Variants in TSPOAP1 observed in about 807,000 individuals in gnomAD.
TSPOAP1 encodes the protein peripheral-type benzodiazepine receptor-associated protein 1.
In TSPOAP1, 87 loss-of-function variants were observed where a neutral mutation model predicts 197.0. That is an observed-to-expected ratio of 0.44 (90% CI 0.37 to 0.53). TSPOAP1 has a LOEUF of 0.53. Ranked by LOEUF, TSPOAP1 falls within the 20% of genes least tolerant of loss-of-function variation. The pLI, the probability that TSPOAP1 is intolerant of heterozygous loss-of-function variation, is 0.00. For missense variants in TSPOAP1, 2,174 were observed against 2,411.3 expected (o/e 0.90, Z 2.06); for synonymous variants, 913 against 998.9 (o/e 0.91, Z 1.62).
chr17:58,322,199 T>C lies in TSPOAP1; in HGVS notation c.1422+109A>G, dbSNP rs537133897. On this transcript the variant is annotated intron_variant, in intron 10 of 31. Coordinates refer to ENST00000343736, the MANE Select transcript of TSPOAP1 (RefSeq NM_004758.4). This position sits in a 1 kb window ranked among gnomAD's most constrained non-coding sequence, Gnocchi z 5.0. ...GGGACCTGGTCTTTGTTCCCCACAG[T>C]CTCCCCGACGCCTAGCACAGTGCCG... The C allele has an allele frequency of 1.8e-5, 20 of 1,111,488 alleles. No individual in the cohort carries two copies. Among genetic ancestry groups the C allele is most frequent in the Non-Finnish European group, 2.5e-5 (19 of 771,634 alleles). 68.9% of individuals were successfully genotyped at this position (1,111,488 alleles called of 1,614,324 possible).
At position 58,309,182 on chromosome 17, in the gene TSPOAP1, A is replaced by G. The variant is rs1971004410; in HGVS notation, c.4090T>C (p.Leu1364=). 6.2e-7 allele frequency: 1 copy of G among 1,614,010 alleles called. No homozygotes were observed. The highest frequency in any genetic ancestry group is 2.2e-5 in the East Asian group (1 of 44,866). Residue 1364 remains leucine (L), a synonymous_variant, in exon 22 of 32, where the codon TTG becomes CTG. Transcript: ENST00000343736. The surrounding 1 kb of genome is among the most constrained non-coding windows in gnomAD (Gnocchi z 5.0). The part of the protein sequence containing the change: ...SRDPGPPEPA[L]LGLGCDSGQP... ...CCACTGTCACAGCCCAGCCCCAGCAATGCAGGTTCAGGCGGGCCAGGGTCT... is the reference window on the plus strand; with the variant it reads ...CCACTGTCACAGCCCAGCCCCAGCAGTGCAGGTTCAGGCGGGCCAGGGTCT...
In TSPOAP1 at chr17:58,326,780, T is replaced by A. The variant is rs750306324; in HGVS notation, c.344A>T (p.Asn115Ile). The change falls in exon 2 of 32, where the codon AAT becomes ATT. Residue 115 changes from asparagine (N) to isoleucine (I), a missense_variant. Physicochemically the swap from Asn to Ile is moderately radical, Grantham distance 149. This residue lies in a region of TSPOAP1 where 1,933 missense variants were observed against 2,139.0 expected (regional missense o/e 0.90). Coordinates refer to ENST00000343736, the MANE Select transcript of TSPOAP1 (RefSeq NM_004758.4). The surrounding 1 kb of genome is among the most constrained non-coding windows in gnomAD (Gnocchi z 4.7). ...ATTGGGCCTGTCCCCAAAGCTCATA[T>A]TCAGCTTGGCCTGGCATGGGAAAGG... ...EVEAFLKAKL[N>I]MSFGDRPNLE... The A allele has an allele frequency of 6.8e-5, 110 of 1,613,882 alleles. No individual in the cohort carries two copies. The highest frequency in any genetic ancestry group is 8.7e-5 in the Non-Finnish European group (103 of 1,179,986).
chr17:58,322,193 CCA>C lies in TSPOAP1; in HGVS notation c.1422+113_1422+114del. 1.9e-6 allele frequency: 2 copies of C among 1,068,248 alleles called. No homozygotes were observed. Among genetic ancestry groups the C allele is most frequent in the Admixed American group, 4.3e-5 (2 of 46,264 alleles). 66.2% of individuals were successfully genotyped at this position (1,068,248 alleles called of 1,614,324 possible). On this transcript the variant is annotated intron_variant, in intron 10 of 31. Transcript: ENST00000343736. The surrounding 1 kb of genome is among the most constrained non-coding windows in gnomAD (Gnocchi z 5.0). ...TGCTCAGGGACCTGGTCTTTGTTCC[CCA>C]CAGTCTCCCCGACGCCTAGCACAGT...
Position 58,310,150 on chromosome 17 carries a change from G to T in TSPOAP1, c.3708C>A (p.Asp1236Glu). 2 of 1,612,192 alleles carry T rather than the reference G, an allele frequency of 1.2e-6. No individual in the cohort carries two copies. The change falls in exon 21 of 32, where the codon GAC (aspartate) becomes GAA (glutamate). Residue 1236 changes from aspartate (D) to glutamate (E), a missense_variant. By Grantham distance (45) the Asp-to-Glu change is conservative. Coordinates refer to ENST00000343736, the MANE Select transcript of TSPOAP1 (RefSeq NM_004758.4). ...SGLRPRAEKE[D>E]TAELGVHLVN... ...CCAGATGAACCCCAAGCTCTGCTGT[G>T]TCCTCCTTCTGCAAGAAGTGAGGCA...
chr17:58,323,669 A>C, intron 5 of TSPOAP1, 124 bp from the exon 6 acceptor site: 1 of 989,854 alleles, frequency 1.0e-6, no homozygotes, highest in Admixed American at 2.6e-5. Flanking sequence ...ATCCCTGCCT[A>C]GCAAGAGCAA....
rs1462333318 is a variant in TSPOAP1, at chr17:58,306,785, A to G, written c.5152+15T>C. On this transcript the variant is annotated intron_variant, in intron 25 of 31. Transcript: ENST00000343736. The stretch of plus-strand genomic sequence containing the variant: ...GGCTGGTGGGAGGTGGGTGAGGGAC[A>G]GCAGCAGGTCATACCTGAGCCCTCA... The G allele has an allele frequency of 6.2e-7, 1 of 1,601,344 alleles. No homozygotes were observed. Among genetic ancestry groups the G allele is most frequent in the Non-Finnish European group, 8.5e-7 (1 of 1,170,136 alleles).
At chr17:58,317,816 T>C (rs1971284448) in intron 14 of TSPOAP1, among the ~76,000 whole-genome samples, 1 of 152,152 alleles carries the variant, frequency 6.6e-6, no homozygotes, top group Non-Finnish European at 1.5e-5. Flanking sequence ...ACAACAACCT[T>C]AGAAGGCAGG....
chr17:58,322,638 T>C lies in TSPOAP1; in HGVS notation c.1317+16A>G, dbSNP rs201434348. 181 of 1,607,320 alleles carry C rather than the reference T, an allele frequency of 1.1e-4. No homozygotes were observed. The highest frequency in any genetic ancestry group is 1.5e-4 in the Non-Finnish European group (178 of 1,179,798). On this transcript the variant is annotated intron_variant, in intron 9 of 31. Transcript: ENST00000343736. This position sits in a 1 kb window ranked among gnomAD's most constrained non-coding sequence, Gnocchi z 5.0. ...CCAGGGCCCAGCACCCTCTCCCACC[T>C]GCACCATCTCCTCACCTTCAGCACT...
At chr17:58,321,272 T>C (rs1971396708) in intron 10 of TSPOAP1, among the ~76,000 whole-genome samples, 1 of 151,194 alleles carries the variant, frequency 6.6e-6, no homozygotes, top group South Asian at 2.1e-4. Context: ...GGGATTCAAC[T>C]GGAATCCCAC....
rs142903376 is a variant in TSPOAP1 at position 58,322,982 on chromosome 17, G to C, written c.1162C>G (p.Arg388Gly). 1 of 1,611,216 alleles carries C rather than the reference G, an allele frequency of 6.2e-7. No homozygotes were observed. Among genetic ancestry groups the C allele is most frequent in the Non-Finnish European group, 8.5e-7 (1 of 1,178,958 alleles). The change falls in exon 8 of 32, where the codon CGG (arginine) becomes GGG (glycine). Residue 388 changes from arginine to glycine, a missense_variant. This residue lies in a region of TSPOAP1 where 1,933 missense variants were observed against 2,139.0 expected (regional missense o/e 0.90). Transcript: ENST00000343736. This position sits in a 1 kb window ranked among gnomAD's most constrained non-coding sequence, Gnocchi z 5.0. ...ENARLVEENS[R>G]LSGRATEKEQ... ...TTCTCTGTGGCTCTCCCACTGAGCCGGGAGTTCTCCTCCACCAGGCGGGCA... is the reference window on the plus strand; with the variant it reads ...TTCTCTGTGGCTCTCCCACTGAGCCCGGAGTTCTCCTCCACCAGGCGGGCA...
In TSPOAP1 at chr17:58,322,700, C is replaced by T. The variant is rs907099074; in HGVS notation, c.1271G>A (p.Ser424Asn). ...CTCCAGCTTGCTCTGCAGGCCCTGG[C>T]TCTTGCGAAGGGCTGAGTCCCTCTC... ...TQERDSALRK[S>N]QGLQSKLESL... is the part of the protein sequence containing the mutation. The change falls in exon 9 of 32, where the codon AGC becomes AAC. Residue 424 changes from serine (S) to asparagine (N), a missense_variant. Ser to Asn is a conservative substitution (Grantham distance 46, BLOSUM62 1). Coordinates refer to ENST00000343736, the MANE Select transcript of TSPOAP1 (RefSeq NM_004758.4). The surrounding 1 kb of genome is among the most constrained non-coding windows in gnomAD (Gnocchi z 5.0). 3 of 1,612,272 alleles carry T rather than the reference C, an allele frequency of 1.9e-6. No homozygotes were observed. The highest frequency in any genetic ancestry group is 3.3e-5 in the Admixed American group (2 of 59,992).
At chr17:58,302,679 C>A in intron 31 of TSPOAP1, 1 of 236,246 alleles carries the variant, frequency 4.2e-6, no homozygotes, top group Non-Finnish European at 8.4e-6. Flanking sequence ...GATGCAGTCT[C>A]GGTTCTGGAT....
intron 26 of TSPOAP1, 142 bp downstream of exon 26, chr17:58,306,200 G>C: frequency 1.1e-6 from 1 of 882,586 alleles, no homozygotes. Context: ...AAACCCAGAG[G>C]TGCCTCCCCA....
Position 58,320,570 on chromosome 17 carries a change from T to G in TSPOAP1, c.1434A>C (p.Glu478Asp). 6.8e-7 allele frequency: 1 copy of G among 1,463,522 alleles called. No homozygotes were observed. The highest frequency in any genetic ancestry group is 9.0e-7 in the Non-Finnish European group (1 of 1,105,270). The allele number at this position is 1,463,522 out of a possible 1,614,324, so 90.7% of individuals were successfully genotyped here. A position where few individuals can be genotyped will look rare whatever the true frequency, so the allele number is the denominator to read the frequency against. Residue 478 changes from glutamate to aspartate, a missense_variant, in exon 11 of 32, where the codon GAA becomes GAC. Transcript: ENST00000343736. ...CGGCTCCTTCATGTTCCCTCTGGGCTTCAGCCTGGGCCTACAGGTGGGGGG... is the reference window on the plus strand; with the variant it reads ...CGGCTCCTTCATGTTCCCTCTGGGCGTCAGCCTGGGCCTACAGGTGGGGGG... ...EVRRLQQAQA[E>D]AQREHEGAVQ...
intron 12 of TSPOAP1, 46 bp from the exon 13 acceptor site, chr17:58,319,340 C>T: frequency 6.5e-7 from 1 of 1,527,874 alleles, no homozygotes; most frequent in East Asian, 2.5e-5. Flanking sequence ...CAAAGCTACC[C>T]AGTGCCAGCC....
rs1369245383 is a variant in TSPOAP1, at chr17:58,324,552, C to A, written c.942+259G>T. Among the ~76,000 whole-genome samples the A allele has an allele frequency of 1.3e-5, 2 of 151,958 alleles. No individual in the cohort carries two copies. The highest frequency in any genetic ancestry group is 2.9e-5 in the Non-Finnish European group (2 of 67,926). On this transcript the variant is annotated intron_variant, in intron 5 of 31. Transcript: ENST00000343736. The surrounding 1 kb of genome is among the most constrained non-coding windows in gnomAD (Gnocchi z 5.8). ...CGTACCACTGGCAGCGCGGCAGGGG[C>A]GGCCGGCCAGGCCCCGCTGGGCGCA...
Position 58,324,913 on chromosome 17 carries a change from C to T in TSPOAP1, c.840G>A (p.Ala280=), listed in dbSNP as rs999180357. 2.0e-6 allele frequency: 3 copies of T among 1,536,680 alleles called. No individual in the cohort carries two copies. Among genetic ancestry groups the T allele is most frequent in the African/African-American group, 2.7e-5 (2 of 72,856 alleles). Residue 280 remains alanine (A), a synonymous_variant, in exon 5 of 32, where the codon GCG becomes GCA. Coordinates refer to ENST00000343736, the MANE Select transcript of TSPOAP1 (RefSeq NM_004758.4). The surrounding 1 kb of genome is among the most constrained non-coding windows in gnomAD (Gnocchi z 5.8). ...GGAGCGTCTCCCGCTGGTTGCGCAG[C>T]GCGATCTGCCTCTGCAGCCGCAGCA... ...REVLRLQRQI[A]LRNQRETLPL...
Position 58,311,381 on chromosome 17 carries a change from T to C in TSPOAP1, c.3082-168A>G, listed in dbSNP as rs1041269404. The C allele has an allele frequency of 2.2e-5, 27 of 1,241,372 alleles. No individual in the cohort carries two copies. The South Asian group carries it at 3.7e-4, about 17-fold the overall frequency. 76.9% of individuals were successfully genotyped at this position (1,241,372 alleles called of 1,614,324 possible). On this transcript the variant is annotated intron_variant, in intron 18 of 31. Coordinates refer to ENST00000343736, the MANE Select transcript of TSPOAP1 (RefSeq NM_004758.4). ...ATCTCATTTCATCCTCCTGGCCATATGGCTTCAGTGATGGAACAGTTCTAA... is the reference window on the plus strand; with the variant it reads ...ATCTCATTTCATCCTCCTGGCCATACGGCTTCAGTGATGGAACAGTTCTAA...
intron 16 of TSPOAP1, 123 bp from the exon 17 acceptor site, chr17:58,312,845 C>T: frequency 1.4e-6 from 1 of 697,634 alleles, no homozygotes; most frequent in African/African-American, 1.8e-5. Flanking sequence ...TGATTCAAAT[C>T]AACATTTAAC....
Sources: gnomAD v4.1 joint callset for allele counts (sites outside exome capture counted in the v4.1 genomes callset) on GRCh38, gnomAD v4.1.1 for gene constraint, gnomAD v4.1.1 regional missense constraint, Gnocchi (gnomAD v3.1) non-coding constraint, MANE v1.5 for transcripts, NCBI Gene and HGNC (gene_info 2026-07-23, HGNC 2026-07-21) for gene names.